Variants in CEP112 observed in about 807,000 individuals in gnomAD.
CEP112 encodes the protein centrosomal protein of 112 kDa.
A neutral mutation model predicts 153.0 loss-of-function variants in CEP112; 127 were observed. That is an observed-to-expected ratio of 0.83 (90% CI 0.72 to 0.96). CEP112 has a LOEUF of 0.96. Among genes scored for constraint, CEP112 ranks in the 40% least tolerant of loss-of-function variants. CEP112 has a pLI of 0.00. For missense variants in CEP112, 1,089 were observed against 1,101.2 expected (o/e 0.99, Z 0.16); for synonymous variants, 358 against 374.4 (o/e 0.96, Z 0.51).
At chr17:65,845,676 A>T (rs2057702591) in intron 21 of CEP112, among the ~76,000 whole-genome samples, 1 of 152,214 alleles carries the variant, frequency 6.6e-6, no homozygotes, top group Non-Finnish European at 1.5e-5. Flanking sequence ...AAGTTTAATC[A>T]AACTTCTGAA....
At chr17:65,950,699 C>CTATTATTATTAGTAG (rs57598697) in intron 18 of CEP112, among the ~76,000 whole-genome samples, 113 of 147,184 alleles carry the variant, frequency 7.7e-4, no homozygotes, top group East Asian at 1.2e-3. Flanking sequence ...GGATACATTA[C>CTATTATTATTAGTAG]TAGTAGTAGT....
chr17:66,157,170 A>T (rs1258000044), intron 4 of CEP112, among the ~76,000 whole-genome samples: 1 of 152,236 alleles, frequency 6.6e-6, no homozygotes, highest in African/African-American at 2.4e-5. Flanking sequence ...TCAGACTAAC[A>T]TCGGATCTCT....
At chr17:65,653,209 A>G (rs1334698163) in intron 24 of CEP112, among the ~76,000 whole-genome samples, 1 of 152,230 alleles carries the variant, frequency 6.6e-6, no homozygotes, top group African/African-American at 2.4e-5. Flanking sequence ...GAATTTTCTC[A>G]GATCCTTGTC....
intron 19 of CEP112, among the ~76,000 whole-genome samples, chr17:65,909,687 T>C (rs1454152299): frequency 6.6e-6 from 1 of 152,046 alleles, no homozygotes; most frequent in African/African-American, 2.4e-5. Context: ...AAACATTAAA[T>C]ACAGAACATG....
chr17:65,683,233 C>T (rs1329507016), intron 24 of CEP112, among the ~76,000 whole-genome samples: 1 of 152,222 alleles, frequency 6.6e-6, no homozygotes, highest in Admixed American at 6.5e-5. Flanking sequence ...AGTGTCTCTC[C>T]TAAATTAGTT....
At chr17:65,764,779 G>T (rs1250752150) in intron 21 of CEP112, among the ~76,000 whole-genome samples, 30 of 149,834 alleles carry the variant, frequency 2.0e-4, no homozygotes, top group Admixed American at 2.0e-3. Flanking sequence ...TGACGTTTAA[G>T]GACTTACTAC....
In CEP112 at chr17:65,662,341, T is replaced by C. The variant is rs562715435; in HGVS notation, c.2698-21276A>G. Among the ~76,000 whole-genome samples the C allele has an allele frequency of 4.8e-4, 73 of 152,304 alleles. 1 individual carries two copies. The highest frequency in any genetic ancestry group is 4.1e-4 in the South Asian group (2 of 4,826). On this transcript the variant is annotated intron_variant, in intron 24 of 26. Coordinates refer to ENST00000535342, the MANE Select transcript of CEP112 (RefSeq NM_001199165.4). ...TTAAGAAACAGTACTGGGAGAGCAA[T>C]AGTCATGTTAGATTGAGCAAGAGGC...
chr17:65,765,474 G>A (rs1023524682), intron 21 of CEP112, among the ~76,000 whole-genome samples: 8 of 152,002 alleles, frequency 5.3e-5, no homozygotes, highest in Non-Finnish European at 1.2e-4. Context: ...AAGCACAAAT[G>A]ATTTTTTTCT....
chr17:66,174,710 T>C (rs992697241), intron 4 of CEP112, among the ~76,000 whole-genome samples: 32 of 152,324 alleles, frequency 2.1e-4, no homozygotes, highest in African/African-American at 7.0e-4. Context: ...ATTCATTATA[T>C]CATTAAGTGA....
chr17:65,929,683 C>T (rs541001634), intron 18 of CEP112, among the ~76,000 whole-genome samples: 36 of 152,266 alleles, frequency 2.4e-4, no homozygotes, highest in Non-Finnish European at 4.6e-4. Context: ...TGTTCACTGT[C>T]GTCAGTGAAA....
chr17:66,154,498 G>C (rs1011899102), intron 4 of CEP112, among the ~76,000 whole-genome samples: 1 of 152,174 alleles, frequency 6.6e-6, no homozygotes. Flanking sequence ...CTAGGTGACA[G>C]AGCGAGACTC....
chr17:65,681,896 T>C (rs1452211050), intron 24 of CEP112, among the ~76,000 whole-genome samples: 1 of 151,918 alleles, frequency 6.6e-6, no homozygotes, highest in East Asian at 1.9e-4. Flanking sequence ...GCCAGGCTGG[T>C]CTGGAACTCC....
intron 21 of CEP112, among the ~76,000 whole-genome samples, chr17:65,764,834 T>C (rs2052848611): frequency 6.8e-6 from 1 of 147,234 alleles, no homozygotes. Flanking sequence ...ATATCCTTTG[T>C]TCCTTTTTTC....
chr17:65,640,295 A>AGG (rs950881546), intron 25 of CEP112, among the ~76,000 whole-genome samples: 2 of 151,284 alleles, frequency 1.3e-5, no homozygotes, highest in African/African-American at 4.9e-5. Flanking sequence ...TTGGGATTAC[A>AGG]GGCACGGGCC....
In CEP112 at chr17:65,862,211, T is replaced by C. The variant is rs577618081; in HGVS notation, c.2164-10177A>G. Among the ~76,000 whole-genome samples, 93 of 152,238 alleles carry C rather than the reference T, an allele frequency of 6.1e-4. 2 individuals carry two copies. Among genetic ancestry groups the C allele is most frequent in the South Asian group, 4.6e-3 (22 of 4,820 alleles). On this transcript the variant is annotated intron_variant, in intron 20 of 26. Transcript: ENST00000535342. ...TTAGGTAACTATCAACACACAATTA[T>C]GAATAATGGTTAACTCTGGGGAAGG...
At chr17:65,732,306 A>G (rs2050556384) in intron 23 of CEP112, among the ~76,000 whole-genome samples, 1 of 152,164 alleles carries the variant, frequency 6.6e-6, no homozygotes, top group Middle Eastern at 3.2e-3. Context: ...TTTTCTGGGC[A>G]GGAGGTCTCA....
At chr17:65,914,567 C>T (rs1210309808) in intron 19 of CEP112, among the ~76,000 whole-genome samples, 1 of 152,112 alleles carries the variant, frequency 6.6e-6, no homozygotes, top group African/African-American at 2.4e-5. Flanking sequence ...CCCTGCCTTA[C>T]CTATGGCTTG....
At chr17:66,047,859 A>T (rs1018605242) in intron 12 of CEP112, among the ~76,000 whole-genome samples, 11 of 152,212 alleles carry the variant, frequency 7.2e-5, no homozygotes, top group Non-Finnish European at 1.5e-4. Context: ...CTAAATGTAC[A>T]ATCATCCCTT....
intron 8 of CEP112, among the ~76,000 whole-genome samples, chr17:66,092,711 C>T (rs901643394): frequency 6.6e-6 from 1 of 152,082 alleles, no homozygotes; most frequent in Non-Finnish European, 1.5e-5. Flanking sequence ...TATAAAGATA[C>T]TTTAACATAT....
Sources: allele counts gnomAD v4.1 joint callset (sites outside exome capture counted in the v4.1 genomes callset), GRCh38; gene constraint gnomAD v4.1.1; transcripts MANE v1.5; gene names NCBI Gene and HGNC (gene_info 2026-07-23, HGNC 2026-07-21).